SEPTIN14: variants seen among roughly 807,000 people sequenced by gnomAD.
The protein encoded by SEPTIN14 is septin-14.
Under a neutral mutation model 53.6 loss-of-function variants are expected in SEPTIN14, and 40 were observed. That is an observed-to-expected ratio of 0.75 (90% CI 0.58 to 0.97). The LOEUF (loss-of-function observed/expected upper bound fraction) is 0.97, where lower values mean the gene tolerates loss of function less well. SEPTIN14 is among the 50% of genes least tolerant of loss of function. SEPTIN14 has a pLI of 0.00. For missense variants in SEPTIN14, 471 were observed against 508.2 expected (o/e 0.93, Z 0.70); for synonymous variants, 138 against 166.8 (o/e 0.83, Z 1.33).
intron 2 of SEPTIN14, among the ~76,000 whole-genome samples, chr7:55,859,950 C>T (rs13224759): frequency 0.018 from 2,761 of 152,226 alleles, 40 homozygotes; most frequent in Middle Eastern, 0.031. Context: ...GAGGCTGAGG[C>T]GGGTGGATCA....
chr7:55,801,643 G>C (rs748650865), intron 9 of SEPTIN14, among the ~76,000 whole-genome samples: 11 of 152,144 alleles, frequency 7.2e-5, no homozygotes, highest in Non-Finnish European at 1.5e-4. Context: ...TAATAGGCCA[G>C]GTGCAGTGGC....
intron 7 of SEPTIN14, among the ~76,000 whole-genome samples, chr7:55,818,472 CAAA>C (rs61089405): frequency 3.5e-5 from 3 of 86,290 alleles, no homozygotes; most frequent in Non-Finnish European, 2.3e-5. Flanking sequence ...AACTCTGTCT[CAAA>C]AAAAAAAAAA....
rs938683160 is a variant in SEPTIN14, at chr7:55,830,329, A to G, written c.720+4096T>C. 6.3e-3 allele frequency among the ~76,000 whole-genome samples: 267 copies of G among 42,132 alleles called. 4 individuals are homozygous for G. The highest frequency in any genetic ancestry group is 9.1e-3 in the South Asian group (11 of 1,204). 27.6% of individuals were successfully genotyped at this position (42,132 alleles called of 152,430 possible). A position where few individuals can be genotyped will look rare whatever the true frequency, so the allele number is the denominator to read the frequency against. ...CAGAATGTTATCCAACTGTATATATATATATATATATATATATATATTTTT... is the reference window on the plus strand; with the variant it reads ...CAGAATGTTATCCAACTGTATATATGTATATATATATATATATATATTTTT... On this transcript the variant is annotated intron_variant, in intron 6 of 9. Coordinates refer to ENST00000388975, the MANE Select transcript of SEPTIN14 (RefSeq NM_207366.3).
chr7:55,841,575 G>A lies in SEPTIN14; in HGVS notation c.558+1367C>T, dbSNP rs1220680410. Among the ~76,000 whole-genome samples, 6 of 151,998 alleles carry A rather than the reference G, an allele frequency of 3.9e-5. No homozygotes were observed. In the South Asian group the frequency reaches 6.2e-4, roughly 16 times the overall value. On this transcript the variant is annotated intron_variant, in intron 5 of 9. Transcript: ENST00000388975. ...TCTCTATTAAAAATACAAAAATTAG[G>A]CCGAGCACAGTGGCTCACGCCTGTA...
chr7:55,829,309 G>A (rs1002713463), intron 6 of SEPTIN14, among the ~76,000 whole-genome samples: 4 of 151,186 alleles, frequency 2.6e-5, no homozygotes, highest in African/African-American at 9.7e-5. Context: ...AACCTGGGAG[G>A]CAGAGGTTGC....
chr7:55,809,549 G>T (rs1342815110), intron 7 of SEPTIN14, among the ~76,000 whole-genome samples: 1 of 151,310 alleles, frequency 6.6e-6, no homozygotes, highest in Non-Finnish European at 1.5e-5. Flanking sequence ...TAGAGACGGG[G>T]TTTTGCCATG....
At chr7:55,840,173 C>G (rs1470363108) in intron 5 of SEPTIN14, among the ~76,000 whole-genome samples, 1 of 146,530 alleles carries the variant, frequency 6.8e-6, no homozygotes, top group Admixed American at 6.9e-5. Context: ...CCAACCTAAA[C>G]TGACTGGCAC....
In SEPTIN14 at chr7:55,832,120, G is replaced by A. The variant is rs564710148; in HGVS notation, c.720+2305C>T. 9.9e-5 allele frequency among the ~76,000 whole-genome samples: 15 copies of A among 152,016 alleles called. No homozygotes were observed. In the East Asian group the frequency reaches 1.5e-3, roughly 16 times the overall value. On this transcript the variant is annotated intron_variant, in intron 6 of 9. Coordinates refer to ENST00000388975, the MANE Select transcript of SEPTIN14 (RefSeq NM_207366.3). ...GGAGGCTGAGGCAGGGGAATCTCTT[G>A]AACCCAGGAGGCAGAGGTTGCAGTG...
At chr7:55,821,107 T>A (rs971011488) in intron 6 of SEPTIN14, among the ~76,000 whole-genome samples, 1 of 152,186 alleles carries the variant, frequency 6.6e-6, no homozygotes, top group Non-Finnish European at 1.5e-5. Context: ...CCCATCTACC[T>A]GTTTTTGAGG....
chr7:55,855,685 A>T (rs1789611006), intron 2 of SEPTIN14, among the ~76,000 whole-genome samples: 1 of 152,036 alleles, frequency 6.6e-6, no homozygotes, highest in Non-Finnish European at 1.5e-5. Flanking sequence ...CGTCCTGAGT[A>T]GCTGGGGTTA....
chr7:55,841,607 G>A (rs1789313123), intron 5 of SEPTIN14, among the ~76,000 whole-genome samples: 1 of 152,032 alleles, frequency 6.6e-6, no homozygotes, highest in Non-Finnish European at 1.5e-5. Context: ...TGTAATCTCA[G>A]CATTTTGAGA....
chr7:55,846,048 C>CAA (rs1297896768), intron 3 of SEPTIN14, among the ~76,000 whole-genome samples: 1 of 9,566 alleles, frequency 1.0e-4, no homozygotes, highest in African/African-American at 3.0e-4. Context: ...GACTCCGTCT[C>CAA]AGAAAAAAAA....
At chr7:55,799,230 G>A (rs1310712339) in intron 9 of SEPTIN14, among the ~76,000 whole-genome samples, 1 of 151,840 alleles carries the variant, frequency 6.6e-6, no homozygotes, top group Non-Finnish European at 1.5e-5. Context: ...ACATGGCTGG[G>A]CGCAGTGGCT....
intron 7 of SEPTIN14, among the ~76,000 whole-genome samples, chr7:55,812,615 C>G (rs983063784): frequency 6.6e-6 from 1 of 152,154 alleles, no homozygotes; most frequent in African/African-American, 2.4e-5. Context: ...AATAGAACCT[C>G]TCATCAGTCA....
chr7:55,809,768 A>AT (rs1325340576), intron 7 of SEPTIN14, among the ~76,000 whole-genome samples: 1 of 142,750 alleles, frequency 7.0e-6, no homozygotes, highest in African/African-American at 2.8e-5. Flanking sequence ...TAAAATAAAA[A>AT]TTAAAAAAAA....
At chr7:55,809,308 A>ACTT (rs1788658515) in intron 7 of SEPTIN14, among the ~76,000 whole-genome samples, 1 of 116,830 alleles carries the variant, frequency 8.6e-6, no homozygotes, top group Non-Finnish European at 1.7e-5. Flanking sequence ...TACTATGCTT[A>ACTT]CTTTTTTTTT....
intron 6 of SEPTIN14, among the ~76,000 whole-genome samples, chr7:55,826,176 GGTGAGAACAT>G (rs1038377468): frequency 3.4e-4 from 52 of 151,582 alleles, no homozygotes; most frequent in Non-Finnish European, 6.9e-4. Context: ...CTTTTTGGGG[GGTGAGAACAT>G]GTAGATCTAC....
chr7:55,839,313 C>T (rs1002414797), intron 5 of SEPTIN14, among the ~76,000 whole-genome samples: 24 of 150,444 alleles, frequency 1.6e-4, no homozygotes, highest in African/African-American at 5.2e-4. Flanking sequence ...CACTTGAACC[C>T]GAGAGGCAGA....
chr7:55,816,076 T>C (rs1384231342), intron 7 of SEPTIN14, among the ~76,000 whole-genome samples: 2 of 152,146 alleles, frequency 1.3e-5, no homozygotes, highest in Non-Finnish European at 2.9e-5. Flanking sequence ...GGACATTCTG[T>C]TAAGTGAAAT....
Sources: gnomAD v4.1 joint callset for allele counts (sites outside exome capture counted in the v4.1 genomes callset) on GRCh38, gnomAD v4.1.1 for gene constraint, MANE v1.5 for transcripts, NCBI Gene and HGNC (gene_info 2026-07-23, HGNC 2026-07-21) for gene names.